LRBA: variants seen among roughly 807,000 people sequenced by gnomAD.
LRBA encodes LPS responsive beige-like anchor protein.
In LRBA, 176 loss-of-function variants were observed where a neutral mutation model predicts 330.0. The ratio of observed to expected loss-of-function variants is 0.53; its 90% confidence interval spans 0.47 to 0.60. LRBA has a LOEUF of 0.60. Ranked by LOEUF, LRBA falls within the 20% of genes least tolerant of loss-of-function variation. LRBA has a pLI of 0.00. For synonymous variants in LRBA, 1,230 were observed against 1,193.0 expected, an observed-to-expected ratio of 1.03 and a Z score of -0.64; for missense variants, 3,259 against 3,444.8, an observed-to-expected ratio of 0.95 and a Z score of 1.35.
At chr4:150,455,793 C>T (rs1227152821) in intron 44 of LRBA, among the ~76,000 whole-genome samples, 1 of 151,886 alleles carries the variant, frequency 6.6e-6, no homozygotes, top group Admixed American at 6.6e-5. Context: ...CATTAATCAT[C>T]CCTACCTATA....
At chr4:150,840,917 T>C in intron 28 of LRBA, 3 of 1,093,086 alleles carry the variant, frequency 2.7e-6, no homozygotes, top group South Asian at 1.7e-5. Flanking sequence ...AAATTTTGGA[T>C]ATAATCAGTT....
chr4:150,377,679 A>G (rs963900627), intron 47 of LRBA, among the ~76,000 whole-genome samples: 1 of 152,198 alleles, frequency 6.6e-6, no homozygotes, highest in Non-Finnish European at 1.5e-5. Flanking sequence ...TTAATATAAA[A>G]AATTAACCAT....
At chr4:150,528,393 C>T (rs1004812159) in intron 40 of LRBA, among the ~76,000 whole-genome samples, 6 of 151,266 alleles carry the variant, frequency 4.0e-5, no homozygotes, top group South Asian at 2.1e-4. Flanking sequence ...CTTAGCTACT[C>T]GGGATGCTGA....
chr4:150,716,314 G>T (rs1328213459), intron 36 of LRBA, among the ~76,000 whole-genome samples: 4 of 152,168 alleles, frequency 2.6e-5, no homozygotes. Flanking sequence ...GGGCGTGGTT[G>T]TGGGCACCTG....
chr4:150,816,041 AT>A (rs1329302055), intron 31 of LRBA, among the ~76,000 whole-genome samples: 2 of 152,096 alleles, frequency 1.3e-5, no homozygotes, highest in Non-Finnish European at 2.9e-5. Context: ...AGGATACATG[AT>A]TACATAGTAC....
At chr4:150,864,644 CTTTTTTT>C (rs34280757) in intron 22 of LRBA, among the ~76,000 whole-genome samples, 1 of 118,454 alleles carries the variant, frequency 8.4e-6, no homozygotes. Flanking sequence ...GGCCCACGTT[CTTTTTTT>C]TTTTTTTTTT....
intron 56 of LRBA, among the ~76,000 whole-genome samples, chr4:150,268,152 T>C (rs1272774799): frequency 4.6e-5 from 7 of 151,788 alleles, no homozygotes; most frequent in Non-Finnish European, 8.8e-5. Context: ...GAGAGACTAT[T>C]AGAAACAACT....
intron 48 of LRBA, 95 bp downstream of exon 48, chr4:150,349,897 A>G: frequency 9.4e-7 from 1 of 1,060,578 alleles, no homozygotes; most frequent in Middle Eastern, 2.2e-4. Context: ...CACTTTCTTC[A>G]TCACTAAAAT....
chr4:150,988,472 CAT>C lies in LRBA; in HGVS notation c.216+25953_216+25954del, dbSNP rs1390804463. ...GCCATGATGTCATTAGTTAAAATGA[CAT>C]ATGAAAAAATGCAAGAATGTTGATA... On this transcript the variant is annotated intron_variant, in intron 2 of 56. Coordinates refer to ENST00000651943, the MANE Select transcript of LRBA (RefSeq NM_001364905.1). 3.9e-5 allele frequency among the ~76,000 whole-genome samples: 6 copies of C among 152,104 alleles called. 1 individual carries two copies. Among genetic ancestry groups the C allele is most frequent in the Admixed American group, 3.9e-4 (6 of 15,278 alleles).
At chr4:150,500,211 T>C (rs1024122193) in intron 40 of LRBA, among the ~76,000 whole-genome samples, 13 of 151,660 alleles carry the variant, frequency 8.6e-5, no homozygotes, top group African/African-American at 1.2e-4. Context: ...ATGTACCCCA[T>C]GAATACGTAC....
chr4:150,568,891 G>C (rs1226535573), intron 40 of LRBA, among the ~76,000 whole-genome samples: 1 of 151,994 alleles, frequency 6.6e-6, no homozygotes, highest in African/African-American at 2.4e-5. Flanking sequence ...TGAAAAAAGG[G>C]ATAACTTATA....
intron 42 of LRBA, among the ~76,000 whole-genome samples, chr4:150,480,211 G>A (rs1033420758): frequency 6.6e-6 from 1 of 152,078 alleles, no homozygotes; most frequent in Non-Finnish European, 1.5e-5. Context: ...GCATACAGGA[G>A]AAAGATGCAT....
At chr4:150,935,822 T>C (rs1177955355) in intron 2 of LRBA, among the ~76,000 whole-genome samples, 1 of 151,954 alleles carries the variant, frequency 6.6e-6, no homozygotes, top group Non-Finnish European at 1.5e-5. Context: ...AATGGAGCTA[T>C]GAAATTTTCA....
intron 2 of LRBA, among the ~76,000 whole-genome samples, chr4:150,933,837 A>G (rs1221213999): frequency 1.3e-5 from 2 of 152,066 alleles, no homozygotes; most frequent in Non-Finnish European, 2.9e-5. Flanking sequence ...TTGAACCAAC[A>G]TGGCGAGACC....
At position 150,906,293 on chromosome 4, in the gene LRBA, T is replaced by G. The variant is rs1166887179; in HGVS notation, c.1602+4A>C. On this transcript the variant is annotated splice_donor_region_variant and intron_variant, in intron 12 of 56. Transcript: ENST00000651943. ...TCAAAAACATAAAATATTTCATACT[T>G]TACCTTTTCAAGGCTATATCCTATT... The G allele has an allele frequency of 6.5e-7, 1 of 1,536,256 alleles. No homozygotes were observed. The highest frequency in any genetic ancestry group is 1.1e-5 in the South Asian group (1 of 87,030).
At chr4:150,763,362 C>T (rs1476149376) in intron 34 of LRBA, among the ~76,000 whole-genome samples, 1 of 151,796 alleles carries the variant, frequency 6.6e-6, no homozygotes, top group East Asian at 1.9e-4. Flanking sequence ...CTAAAATTTA[C>T]TAACATTTAG....
At chr4:150,833,496 A>C (rs1337943336) in intron 28 of LRBA, among the ~76,000 whole-genome samples, 1 of 152,192 alleles carries the variant, frequency 6.6e-6, no homozygotes, top group East Asian at 1.9e-4. Context: ...TATCACAATA[A>C]AGTGAGTCAC....
chr4:150,840,773 G>C (rs1394483656), intron 28 of LRBA: 3 of 292,342 alleles, frequency 1.0e-5, no homozygotes, highest in African/African-American at 4.5e-5. Context: ...TCAACACAGA[G>C]TTGCCAAAAA....
At chr4:150,517,356 C>CA (rs539320047) in intron 40 of LRBA, among the ~76,000 whole-genome samples, 3 of 151,688 alleles carry the variant, frequency 2.0e-5, no homozygotes, top group Non-Finnish European at 2.9e-5. Flanking sequence ...TCTGTCTCTA[C>CA]AAAAAAATAC....
Sources: allele counts gnomAD v4.1 joint callset (sites outside exome capture counted in the v4.1 genomes callset), GRCh38; gene constraint gnomAD v4.1.1; transcripts MANE v1.5; gene names NCBI Gene and HGNC (gene_info 2026-07-23, HGNC 2026-07-21).